The following TNRC6A variants were observed in gnomAD, a reference collection of about 807,000 sequenced individuals.
The protein encoded by TNRC6A is trinucleotide repeat containing adaptor 6A.
TNRC6A carries 44 observed loss-of-function variants against 221.2 expected under a neutral mutation model. That is an observed-to-expected ratio of 0.20 (90% CI 0.16 to 0.26). TNRC6A has a LOEUF of 0.26. TNRC6A is among the 10% of genes least tolerant of loss of function. TNRC6A has a pLI of 1.00. For missense variants in TNRC6A, 2,199 were observed against 2,404.4 expected (o/e 0.91, Z 1.79); for synonymous variants, 847 against 838.5 (o/e 1.01, Z -0.18).
intron 1 of TNRC6A, among the ~76,000 whole-genome samples, chr16:24,619,659 G>A (rs1900560591): frequency 6.6e-6 from 1 of 152,156 alleles, no homozygotes; most frequent in Non-Finnish European, 1.5e-5. Context: ...CTCTTGCACT[G>A]GAAGATGAAG....
chr16:24,763,715 A>G (rs1265732640), intron 4 of TNRC6A, among the ~76,000 whole-genome samples: 2 of 152,234 alleles, frequency 1.3e-5, no homozygotes, highest in Non-Finnish European at 2.9e-5. Context: ...GGTAATAAGC[A>G]TGAACAAAAC....
chr16:24,787,929 A>G (rs899738587), intron 5 of TNRC6A, among the ~76,000 whole-genome samples: 1 of 152,194 alleles, frequency 6.6e-6, no homozygotes, highest in Non-Finnish European at 1.5e-5. Context: ...GAAGATATAT[A>G]CTTAAAAGCA....
chr16:24,702,011 A>ATT (rs2055988111), intron 2 of TNRC6A, among the ~76,000 whole-genome samples: 1 of 151,948 alleles, frequency 6.6e-6, no homozygotes, highest in Non-Finnish European at 1.5e-5. Flanking sequence ...GCCTCTCAAT[A>ATT]ACCCCACTGA....
At chr16:24,730,122 C>CA in intron 1 of TNRC6A, 131 bp from the exon 2 acceptor site, 1 of 815,048 alleles carries the variant, frequency 1.2e-6, no homozygotes, top group Non-Finnish European at 1.8e-6. Flanking sequence ...GTGAGTCCCC[C>CA]TCCCCCCGTC....
chr16:24,623,341 G>A (rs552799071), intron 1 of TNRC6A, among the ~76,000 whole-genome samples: 50 of 152,186 alleles, frequency 3.3e-4, no homozygotes, highest in African/African-American at 1.1e-3. Flanking sequence ...TGGGACTACA[G>A]GCGCCCGCTG....
At chr16:24,796,168 G>A (rs2151918921) in intron 9 of TNRC6A, 1 of 462,884 alleles carries the variant, frequency 2.2e-6, no homozygotes, top group South Asian at 4.7e-5. Flanking sequence ...GCTTGGGATG[G>A]GATGTGTTAA....
intron 2 of TNRC6A, among the ~76,000 whole-genome samples, chr16:24,658,941 T>C (rs1468242842): frequency 6.6e-6 from 1 of 151,972 alleles, no homozygotes; most frequent in Non-Finnish European, 1.5e-5. Context: ...CCCAAGTAGC[T>C]GGGACTATAG....
At chr16:24,727,022 C>T (rs997954843), upstream of TNRC6A, among the ~76,000 whole-genome samples, 1 of 151,154 alleles carries the variant, frequency 6.6e-6, no homozygotes, top group African/African-American at 2.4e-5. Context: ...CTGGAAATCA[C>T]ATCTTTTTTT....
intron 2 of TNRC6A, among the ~76,000 whole-genome samples, chr16:24,690,273 G>A (rs918200510): frequency 3.3e-5 from 5 of 151,938 alleles, no homozygotes; most frequent in Non-Finnish European, 7.4e-5. Flanking sequence ...GTGTCCCAAA[G>A]TGCTGAGATT....
chr16:24,625,910 A>C (rs977237655), intron 1 of TNRC6A, among the ~76,000 whole-genome samples: 1 of 152,060 alleles, frequency 6.6e-6, no homozygotes, highest in African/African-American at 2.4e-5. Flanking sequence ...AAGTTTGTTT[A>C]TTTTTATTCT....
intron 3 of TNRC6A, among the ~76,000 whole-genome samples, chr16:24,757,081 T>C (rs2057267210): frequency 6.6e-6 from 1 of 152,206 alleles, no homozygotes; most frequent in African/African-American, 2.4e-5. Context: ...CAGAAACAAA[T>C]GAAGTGTTGT....
At chr16:24,651,893 G>A (rs1018137769) in intron 2 of TNRC6A, among the ~76,000 whole-genome samples, 1 of 149,886 alleles carries the variant, frequency 6.7e-6, no homozygotes, top group Non-Finnish European at 1.5e-5. Flanking sequence ...GAGGTCAGGA[G>A]TTTGAGACCA....
At chr16:24,819,545 T>TTA (rs1174161212) in intron 21 of TNRC6A, 8 of 145,154 alleles carry the variant, frequency 5.5e-5, no homozygotes, top group Non-Finnish European at 9.0e-5. Context: ...TTTTTTGTTT[T>TTA]GCCATACAGG....
At chr16:24,754,258 C>T (rs1000286834) in intron 3 of TNRC6A, among the ~76,000 whole-genome samples, 1 of 151,912 alleles carries the variant, frequency 6.6e-6, no homozygotes, top group Non-Finnish European at 1.5e-5. Context: ...AGCCTTACAA[C>T]GATATTTTCG....
chr16:24,809,155 T>C (rs1195954403), intron 17 of TNRC6A, among the ~76,000 whole-genome samples, 195 bp from the exon 18 acceptor site: 3 of 152,224 alleles, frequency 2.0e-5, no homozygotes, highest in Non-Finnish European at 2.9e-5. Context: ...CTCCCTCTTA[T>C]TTTGCCAAGG....
chr16:24,824,756 C>A lies in TNRC6A; in HGVS notation c.*949C>A. The A allele has an allele frequency of 1.4e-5, 2 of 141,436 alleles. No homozygotes were observed. The highest frequency in any genetic ancestry group is 2.7e-5 in the African/African-American group (1 of 37,590). The allele number at this position is 141,436 out of a possible 1,614,324, so 8.8% of individuals were successfully genotyped here. A position where few individuals can be genotyped will look rare whatever the true frequency, so the allele number is the denominator to read the frequency against. On this transcript the variant is annotated 3_prime_UTR_variant, in exon 25 of 25. Transcript: ENST00000395799. The stretch of plus-strand genomic sequence containing the variant: ...CAAAGAGCATGGTTCTCAGGAAAAC[C>A]AGTTCCCCAGTTTAAAAAAAAAAAA...
intron 7 of TNRC6A, among the ~76,000 whole-genome samples, chr16:24,794,017 T>C (rs985417256): frequency 5.9e-5 from 9 of 152,184 alleles, no homozygotes; most frequent in Non-Finnish European, 1.3e-4. Flanking sequence ...GATGATTCCC[T>C]GAAAGTTACA....
chr16:24,680,735 T>C (rs2055516532), intron 2 of TNRC6A, among the ~76,000 whole-genome samples: 1 of 148,264 alleles, frequency 6.7e-6, no homozygotes, highest in Non-Finnish European at 1.5e-5. Flanking sequence ...AAAAAGGAAC[T>C]ATTATTTATT....
chr16:24,705,567 G>A (rs944192821), intron 2 of TNRC6A, among the ~76,000 whole-genome samples: 5 of 152,220 alleles, frequency 3.3e-5, no homozygotes, highest in East Asian at 3.9e-4. Flanking sequence ...CCTGACTTCT[G>A]GTGATCCGCC....
Sources: allele counts gnomAD v4.1 joint callset (sites outside exome capture counted in the v4.1 genomes callset), GRCh38; gene constraint gnomAD v4.1.1; transcripts MANE v1.5; gene names NCBI Gene and HGNC (gene_info 2026-07-23, HGNC 2026-07-21).